ANKS4B: variants seen among roughly 807,000 people sequenced by gnomAD.
The protein encoded by ANKS4B is ankyrin repeat and sterile alpha motif domain containing 4B.
In ANKS4B, 21 loss-of-function variants were observed where a neutral mutation model predicts 20.2. That is an observed-to-expected ratio of 1.04 (90% CI 0.74 to 1.50). The LOEUF is 1.50. Ranked by LOEUF, ANKS4B falls within the 40% of genes most tolerant of loss-of-function variation. The pLI is 0.00. For synonymous variants in ANKS4B, 179 were observed against 194.5 expected (o/e 0.92, Z 0.66); for missense variants, 473 against 494.6 (o/e 0.96, Z 0.41).
Position 21,233,804 on chromosome 16 carries a change from C to T in ANKS4B, c.67C>T (p.Arg23Ter), listed in dbSNP as rs763113188. The T allele has an allele frequency of 8.1e-6, 13 of 1,613,880 alleles. No individual in the cohort carries two copies. The highest frequency in any genetic ancestry group is 1.6e-4 in the Middle Eastern group (1 of 6,082). Reference sequence around the variant, plus strand: ...GGAACTTCTAAAAGAGGCTACCAAGCGAGATCTAAATCTTTCGGATGAAGA... The same window carrying T: ...GGAACTTCTAAAAGAGGCTACCAAGTGAGATCTAAATCTTTCGGATGAAGA... ...YLELLKEATK[R>*]DLNLSDEDGM... is the part of the protein sequence containing the mutation. Residue 23 changes from arginine (R) to a stop codon, truncating the protein, a stop_gained, in exon 1 of 2, where the codon CGA (arginine) becomes TGA (stop). Coordinates refer to ENST00000311620, the MANE Select transcript of ANKS4B (RefSeq NM_145865.3). LOFTEE classifies it high-confidence loss of function.
chr16:21,249,481 C>T (rs551168240), intron 1 of ANKS4B, among the ~76,000 whole-genome samples: 1 of 152,184 alleles, frequency 6.6e-6, no homozygotes, highest in Non-Finnish European at 1.5e-5. Context: ...TGTCTCAAAA[C>T]AAAACAAAGG....
rs186426301 is a variant in ANKS4B, at chr16:21,241,014, G to A, written c.164+7113G>A. 1.9e-3 allele frequency among the ~76,000 whole-genome samples: 296 copies of A among 152,196 alleles called. 1 individual carries two copies. Among genetic ancestry groups the A allele is most frequent in the African/African-American group, 6.3e-3 (260 of 41,550 alleles). On this transcript the variant is annotated intron_variant, in intron 1 of 1. Coordinates refer to ENST00000311620, the MANE Select transcript of ANKS4B (RefSeq NM_145865.3). Reference sequence around the variant, plus strand: ...ACTATATGTTGGCCAGGCCGGTCTCGAACTCCTGACTTCAGGCGATCCACC... The same window carrying A: ...ACTATATGTTGGCCAGGCCGGTCTCAAACTCCTGACTTCAGGCGATCCACC...
rs549760769 is a variant in ANKS4B, at chr16:21,250,579, G to A, written c.1013G>A (p.Trp338Ter). ...CCGTGGGATGACGATGAAGTGGAGT[G>A]GGAGGAAGATGTGGTCGATGCCACG... ...DLPWDDDEVEWEEDVVDATPL... is the reference protein window; with the variant it reads ...DLPWDDDEVE Residue 338 changes from tryptophan (W) to a stop codon, truncating the protein, a stop_gained, in exon 2 of 2, where the codon TGG becomes TAG. Transcript: ENST00000311620. LOFTEE classifies it high-confidence loss of function. 2.5e-6 allele frequency: 4 copies of A among 1,614,166 alleles called. No individual in the cohort carries two copies. The African/African-American group carries it at 4.0e-5, about 16-fold the overall frequency.
rs928864529 is a variant in ANKS4B, at chr16:21,252,329, C to T, written c.*1509C>T. 1 of 152,266 alleles carries T rather than the reference C, an allele frequency of 6.6e-6. No individual in the cohort carries two copies. Among genetic ancestry groups the T allele is most frequent in the Non-Finnish European group, 1.5e-5 (1 of 68,080 alleles). 9.4% of individuals were successfully genotyped at this position (152,266 alleles called of 1,614,324 possible). A position where few individuals can be genotyped will look rare whatever the true frequency, so the allele number is the denominator to read the frequency against. ...AGTGAGAAGGTGGCCGTCTGCAAGC[C>T]GAGGAGGGGGCCTCAGGAGAAACCA... On this transcript the variant is annotated 3_prime_UTR_variant, in exon 2 of 2. Coordinates refer to ENST00000311620, the MANE Select transcript of ANKS4B (RefSeq NM_145865.3).
chr16:21,247,549 T>A (rs1401245022), intron 1 of ANKS4B, among the ~76,000 whole-genome samples: 5 of 152,194 alleles, frequency 3.3e-5, no homozygotes, highest in African/African-American at 1.2e-4. Flanking sequence ...CTGTCCTCTT[T>A]CCATGGGGCC....
chr16:21,247,273 C>A (rs1291675451), intron 1 of ANKS4B, among the ~76,000 whole-genome samples: 2 of 152,050 alleles, frequency 1.3e-5, no homozygotes, highest in African/African-American at 4.8e-5. Flanking sequence ...CAATGTTGAC[C>A]AGGCTGATCT....
At chr16:21,246,804 C>T (rs1307862115) in intron 1 of ANKS4B, among the ~76,000 whole-genome samples, 1 of 152,152 alleles carries the variant, frequency 6.6e-6, no homozygotes, top group Non-Finnish European at 1.5e-5. Context: ...TTCTTGCCTG[C>T]CTTCTCTAAG....
Position 21,235,521 on chromosome 16 carries a change from A to G in ANKS4B, c.164+1620A>G, listed in dbSNP as rs74012139. ...TTATGTTTACAAAACTCACTCAGGT[A>G]GATGGATAACAGTCGGAGAGAATGT... On this transcript the variant is annotated intron_variant, in intron 1 of 1. Coordinates refer to ENST00000311620, the MANE Select transcript of ANKS4B (RefSeq NM_145865.3). Among the ~76,000 whole-genome samples, 254 of 152,320 alleles carry G rather than the reference A, an allele frequency of 1.7e-3. 4 individuals are homozygous for G. The highest frequency in any genetic ancestry group is 5.7e-3 in the African/African-American group (239 of 41,572).
intron 1 of ANKS4B, among the ~76,000 whole-genome samples, chr16:21,240,593 A>G (rs2093325345): frequency 6.6e-6 from 1 of 152,176 alleles, no homozygotes. Context: ...CAATTCCTAC[A>G]GTTATCAACA....
intron 1 of ANKS4B, among the ~76,000 whole-genome samples, chr16:21,238,496 T>C (rs2093322885): frequency 7.3e-6 from 1 of 137,202 alleles, no homozygotes; most frequent in African/African-American, 2.7e-5. Context: ...TATATATATA[T>C]ACGTATAAGT....
At position 21,253,825 on chromosome 16, in the gene ANKS4B, A is replaced by C. The variant is rs2093342292; in HGVS notation, c.*3005A>C. 6.6e-6 allele frequency: 1 copy of C among 152,216 alleles called. No homozygotes were observed. The highest frequency in any genetic ancestry group is 2.1e-4 in the South Asian group (1 of 4,828). The allele number at this position is 152,216 out of a possible 1,614,324, so 9.4% of individuals were successfully genotyped here. A position where few individuals can be genotyped will look rare whatever the true frequency, so the allele number is the denominator to read the frequency against. ...TCTTCGTCACAGAGTATTGTTATATAATAAAAAAAGGTTTATACCATGTTA... is the reference window on the plus strand; with the variant it reads ...TCTTCGTCACAGAGTATTGTTATATCATAAAAAAAGGTTTATACCATGTTA... On this transcript the variant is annotated 3_prime_UTR_variant, in exon 2 of 2. Transcript: ENST00000311620.
At position 21,249,871 on chromosome 16, in the gene ANKS4B, T is replaced by C; in HGVS notation, c.305T>C (p.Leu102Pro). ...FALDNDLQTP[L>P]DAAASREQNE... ...CTGGATAATGACTTACAGACTCCAC[T>C]GGATGCTGCTGCCAGCAGGGAGCAG... The change falls in exon 2 of 2, where the codon CTG (leucine) becomes CCG (proline). Residue 102 changes from leucine (L) to proline (P), a missense_variant. Transcript: ENST00000311620. The C allele has an allele frequency of 6.2e-7, 1 of 1,614,174 alleles. No individual in the cohort carries two copies. Among genetic ancestry groups the C allele is most frequent in the Non-Finnish European group, 8.5e-7 (1 of 1,180,026 alleles).
chr16:21,250,392 T>C lies in ANKS4B; in HGVS notation c.826T>C (p.Phe276Leu). 6.2e-7 allele frequency: 1 copy of C among 1,614,136 alleles called. No individual in the cohort carries two copies. The highest frequency in any genetic ancestry group is 8.5e-7 in the Non-Finnish European group (1 of 1,180,030). ...LNRPGLGSIV[F>L]RRNRISSPED... ...TCGTCCAGGTCTAGGAAGTATTGTT[T>C]TTAGAAGGAACAGGATATCGAGTCC... Residue 276 changes from phenylalanine (F) to leucine (L), a missense_variant, in exon 2 of 2, where the codon TTT (phenylalanine) becomes CTT (leucine). By Grantham distance (22) the Phe-to-Leu change is conservative. Transcript: ENST00000311620.
intron 1 of ANKS4B, among the ~76,000 whole-genome samples, chr16:21,237,479 T>TC (rs2093321606): frequency 6.6e-6 from 1 of 151,994 alleles, no homozygotes; most frequent in South Asian, 2.1e-4. Context: ...ACATCCAAGA[T>TC]CAAGGCACCA....
intron 1 of ANKS4B, among the ~76,000 whole-genome samples, chr16:21,241,995 C>T (rs908473203): frequency 4.6e-5 from 7 of 151,802 alleles, no homozygotes; most frequent in East Asian, 1.9e-4. Context: ...GCCAGGAGTT[C>T]GAGACTAGCC....
In ANKS4B at chr16:21,253,330, A is replaced by G. The variant is rs905672840; in HGVS notation, c.*2510A>G. The stretch of plus-strand genomic sequence containing the variant: ...TGAACAATTGGCTTATTCTTCCTCA[A>G]TGAATATATTCAGAAAGCTTGTTAG... On this transcript the variant is annotated 3_prime_UTR_variant, in exon 2 of 2. Coordinates refer to ENST00000311620, the MANE Select transcript of ANKS4B (RefSeq NM_145865.3). The G allele has an allele frequency of 5.9e-5, 9 of 152,356 alleles. No homozygotes were observed. Among genetic ancestry groups the G allele is most frequent in the African/African-American group, 1.9e-4 (8 of 41,596 alleles). 9.4% of individuals were successfully genotyped at this position (152,356 alleles called of 1,614,324 possible).
intron 1 of ANKS4B, among the ~76,000 whole-genome samples, chr16:21,245,082 A>T (rs184375507): frequency 6.6e-6 from 1 of 152,140 alleles, no homozygotes; most frequent in Non-Finnish European, 1.5e-5. Context: ...AATGTGTTTT[A>T]TTTGGACTTT....
chr16:21,242,335 G>A (rs138301645), intron 1 of ANKS4B, among the ~76,000 whole-genome samples: 3,165 of 152,162 alleles, frequency 0.021, 102 homozygotes, highest in African/African-American at 0.072. Flanking sequence ...CTACAGGCAC[G>A]TGCCACCACA....
At chr16:21,248,305 G>A (rs1017629997) in intron 1 of ANKS4B, among the ~76,000 whole-genome samples, 9 of 147,740 alleles carry the variant, frequency 6.1e-5, no homozygotes, top group African/African-American at 2.0e-4. Flanking sequence ...TTACAGGCAC[G>A]AGCCACTGAG....
Sources: allele counts gnomAD v4.1 joint callset (sites outside exome capture counted in the v4.1 genomes callset), GRCh38; gene constraint gnomAD v4.1.1; transcripts MANE v1.5; gene names NCBI Gene and HGNC (gene_info 2026-07-23, HGNC 2026-07-21).